UGT1A10: variants seen among roughly 807,000 people sequenced by gnomAD.
UGT1A10 encodes the protein UDP glucuronosyltransferase family 1 member A10, also known as UDP-glucuronosyltransferase 1A10.
A neutral mutation model predicts 45.8 loss-of-function variants in UGT1A10; 49 were observed. That is an observed-to-expected ratio of 1.07 (90% CI 0.85 to 1.36). The LOEUF (loss-of-function observed/expected upper bound fraction) is 1.36. UGT1A10 is among the 40% of genes most tolerant of loss of function. UGT1A10 has a pLI of 0.00. For synonymous variants in UGT1A10, 284 were observed against 249.7 expected, an observed-to-expected ratio of 1.14 and a Z score of -1.29; for missense variants, 745 against 668.6, an observed-to-expected ratio of 1.11 and a Z score of -1.26.
Position 233,746,095 on chromosome 2 carries a change from T to C in UGT1A10, c.856-20939T>C, listed in dbSNP as rs1329833739. On this transcript the variant is annotated intron_variant, in intron 1 of 4. Coordinates refer to ENST00000344644, the MANE Select transcript of UGT1A10 (RefSeq NM_019075.4). Reference sequence around the variant, plus strand: ...GAGGAGTCACTTCTATACAGAAACATGTCCAGAGTGCTTACTGTCTGCAAA... The same window carrying C: ...GAGGAGTCACTTCTATACAGAAACACGTCCAGAGTGCTTACTGTCTGCAAA... Among the ~76,000 whole-genome samples the C allele has an allele frequency of 2.0e-5, 3 of 151,920 alleles. No homozygotes were observed. The East Asian group carries it at 5.8e-4, about 29-fold the overall frequency.
intron 1 of UGT1A10, among the ~76,000 whole-genome samples, chr2:233,663,866 C>G (rs998383106): frequency 1.3e-5 from 2 of 152,152 alleles, no homozygotes; most frequent in African/African-American, 2.4e-5. Context: ...CACCATTCCT[C>G]TTTTTGATTC....
At chr2:233,655,642 T>C (rs769239619) in intron 1 of UGT1A10, among the ~76,000 whole-genome samples, 10 of 152,058 alleles carry the variant, frequency 6.6e-5, no homozygotes, top group Non-Finnish European at 8.8e-5. Context: ...ACTCTTCTCT[T>C]GTAGGGGATA....
intron 1 of UGT1A10, among the ~76,000 whole-genome samples, chr2:233,696,841 T>C (rs1401525260): frequency 1.3e-5 from 2 of 152,218 alleles, no homozygotes; most frequent in African/African-American, 2.4e-5. Flanking sequence ...TAAAGGGACG[T>C]TGAATTTTGT....
intron 4 of UGT1A10, chr2:233,770,332 T>C (rs1040470973): frequency 6.6e-6 from 1 of 152,102 alleles, no homozygotes; most frequent in Non-Finnish European, 1.5e-5. Context: ...CAGGCCATAA[T>C]AGGTGCTCAA....
chr2:233,642,394 T>A (rs1050850957), intron 1 of UGT1A10, among the ~76,000 whole-genome samples: 2 of 152,256 alleles, frequency 1.3e-5, no homozygotes, highest in Non-Finnish European at 2.9e-5. Flanking sequence ...GTTAAATTTA[T>A]ATGCTGGAAT....
At chr2:233,698,366 A>T (rs757366635) in intron 1 of UGT1A10, among the ~76,000 whole-genome samples, 3 of 152,230 alleles carry the variant, frequency 2.0e-5, no homozygotes, top group Non-Finnish European at 2.9e-5. Context: ...GCTGAATGCC[A>T]TGAAATTGTT....
chr2:233,704,935 A>T (rs931417654), intron 1 of UGT1A10, among the ~76,000 whole-genome samples: 3 of 152,162 alleles, frequency 2.0e-5, no homozygotes, highest in Non-Finnish European at 4.4e-5. Flanking sequence ...GCCTAGATCA[A>T]GACCAGCCTG....
At position 233,687,583 on chromosome 2, in the gene UGT1A10, TAAAAA is replaced by T. The variant is rs71398794; in HGVS notation, c.855+50226_855+50230del. ...AGAATTCAAGACCATACATTCTTTG[TAAAAA>T]AAAAAAAAAAAAAAAAAAAGGAAAG... On this transcript the variant is annotated intron_variant, in intron 1 of 4. Transcript: ENST00000344644. Among the ~76,000 whole-genome samples the T allele has an allele frequency of 8.1e-3, 870 of 107,420 alleles. 4 individuals carry two copies. Among genetic ancestry groups the T allele is most frequent in the African/African-American group, 0.023 (698 of 29,714 alleles). 70.5% of individuals were successfully genotyped at this position (107,420 alleles called of 152,430 possible). A position where few individuals can be genotyped will look rare whatever the true frequency, so the allele number is the denominator to read the frequency against.
chr2:233,713,020 C>G (rs143190267), intron 1 of UGT1A10: 1 of 1,613,734 alleles, frequency 6.2e-7, no homozygotes, highest in South Asian at 1.1e-5. Context: ...GTTCCCCTGC[C>G]GCAGCTGGCC....
chr2:233,672,064 G>A, intron 1 of UGT1A10: 7 of 1,614,154 alleles, frequency 4.3e-6, no homozygotes, highest in Non-Finnish European at 5.9e-6. Context: ...CATGAGGTCG[G>A]TGGTGGAGAA....
intron 1 of UGT1A10, among the ~76,000 whole-genome samples, chr2:233,676,146 G>A (rs953498124): frequency 2.6e-5 from 4 of 152,110 alleles, no homozygotes; most frequent in East Asian, 1.9e-4. Context: ...GAGCTCCAGC[G>A]TCAGACTCCA....
chr2:233,656,098 A>G (rs1185431685), intron 1 of UGT1A10, among the ~76,000 whole-genome samples: 1 of 152,236 alleles, frequency 6.6e-6, no homozygotes, highest in East Asian at 1.9e-4. Flanking sequence ...AACAGGGTAA[A>G]CATACATATT....
intron 1 of UGT1A10, among the ~76,000 whole-genome samples, chr2:233,717,485 C>A (rs1315707595): frequency 6.6e-6 from 1 of 152,214 alleles, no homozygotes; most frequent in Non-Finnish European, 1.5e-5. Context: ...AAGGTGGAAT[C>A]TGTTATCAAT....
chr2:233,729,557 CT>C, intron 1 of UGT1A10: 1 of 1,614,146 alleles, frequency 6.2e-7, no homozygotes, highest in Non-Finnish European at 8.5e-7. Context: ...CTGAATGCTA[CT>C]TCCTTTGATG....
intron 1 of UGT1A10, among the ~76,000 whole-genome samples, chr2:233,757,815 T>G (rs4399719): frequency 0.55 from 83,125 of 151,008 alleles, 25,001 homozygotes; most frequent in African/African-American, 0.81. Context: ...AAGGAGCTGG[T>G]AGTGTGTCTG....
At chr2:233,678,785 G>A (rs1460074279) in intron 1 of UGT1A10, among the ~76,000 whole-genome samples, 1 of 152,020 alleles carries the variant, frequency 6.6e-6, no homozygotes, top group African/African-American at 2.4e-5. Flanking sequence ...CCCTGAGTGT[G>A]GCATCTATTG....
intron 1 of UGT1A10, chr2:233,690,588 G>GA (rs144486213): frequency 0.039 from 32,870 of 839,158 alleles, no homozygotes; most frequent in South Asian, 0.07. Flanking sequence ...CAATCCCTGA[G>GA]AAAAAAAAAA....
intron 1 of UGT1A10, among the ~76,000 whole-genome samples, chr2:233,727,743 C>T (rs576433426): frequency 2.0e-5 from 3 of 152,300 alleles, no homozygotes; most frequent in Non-Finnish European, 2.9e-5. Flanking sequence ...TGCCATCCTG[C>T]GTGTGCTGCC....
chr2:233,636,516 T>C lies in UGT1A10; in HGVS notation c.-7T>C. On this transcript the variant is annotated 5_prime_UTR_variant, in exon 1 of 5. Coordinates refer to ENST00000344644, the MANE Select transcript of UGT1A10 (RefSeq NM_019075.4). ...TCCCAGCTGCTGGCTCGGGCTGCAG[T>C]TCTCTCATGGCTCGCGCAGGGTGGA... 3 of 1,608,792 alleles carry C rather than the reference T, an allele frequency of 1.9e-6. No individual in the cohort carries two copies. The highest frequency in any genetic ancestry group is 2.6e-6 in the Non-Finnish European group (3 of 1,176,460).
Sources: allele counts gnomAD v4.1 joint callset (sites outside exome capture counted in the v4.1 genomes callset), GRCh38; gene constraint gnomAD v4.1.1; transcripts MANE v1.5; gene names NCBI Gene and HGNC (gene_info 2026-07-23, HGNC 2026-07-21).